ITSN1: variants seen among roughly 807,000 people sequenced by gnomAD.
The protein encoded by ITSN1 is intersectin 1, also known as intersectin-1.
ITSN1 carries 58 observed loss-of-function variants against 239.8 expected under a neutral mutation model. The observed-to-expected ratio is 0.24, with a 90% CI of 0.20 to 0.30. The LOEUF (loss-of-function observed/expected upper bound fraction) is 0.30, where lower values mean the gene tolerates loss of function less well. ITSN1 is among the 10% of genes least tolerant of loss of function. ITSN1 has a pLI of 1.00. For synonymous variants in ITSN1, 780 were observed against 770.8 expected (o/e 1.01, Z -0.20); for missense variants, 1,558 against 2,103.3 (o/e 0.74, Z 5.07).
chr21:33,761,929 A>G lies in ITSN1; in HGVS notation c.731A>G (p.Gln244Arg). 1 of 1,613,370 alleles carries G rather than the reference A, an allele frequency of 6.2e-7. No homozygotes were observed. The highest frequency in any genetic ancestry group is 8.5e-7 in the Non-Finnish European group (1 of 1,179,284). The change falls in exon 9 of 40, where the codon CAA becomes CGA. Residue 244 changes from glutamine (Q) to arginine (R), a missense_variant. Transcript: ENST00000381318. ...TTTCCTGGTTCCTGTTTAGGTCCCCAAGCAAGAACTATTCTTATGCAGTCA... is the reference window on the plus strand; with the variant it reads ...TTTCCTGGTTCCTGTTTAGGTCCCCGAGCAAGAACTATTCTTATGCAGTCA... ...KTMSGHLTGP[Q>R]ARTILMQSSL...
chr21:33,854,907 C>T (rs779128052), intron 29 of ITSN1, among the ~76,000 whole-genome samples: 8 of 152,164 alleles, frequency 5.3e-5, no homozygotes, highest in Non-Finnish European at 1.0e-4. Flanking sequence ...GCTTTCCCAG[C>T]ATTCTCCTGC....
chr21:33,875,968 C>G (rs1000869631), intron 34 of ITSN1, among the ~76,000 whole-genome samples: 1 of 152,216 alleles, frequency 6.6e-6, no homozygotes, highest in Non-Finnish European at 1.5e-5. Context: ...GCATGAGCCA[C>G]CGCGCCTGGC....
At chr21:33,834,874 C>T (rs999534478) in intron 28 of ITSN1, among the ~76,000 whole-genome samples, 4 of 151,974 alleles carry the variant, frequency 2.6e-5, no homozygotes, top group Non-Finnish European at 5.9e-5. Flanking sequence ...AAATAGCTCC[C>T]CTGTGACATT....
chr21:33,833,859 G>T (rs1035584494), intron 27 of ITSN1, among the ~76,000 whole-genome samples: 2 of 146,044 alleles, frequency 1.4e-5, no homozygotes, highest in Non-Finnish European at 3.0e-5. Context: ...GTGACAGAGC[G>T]AGACTCCGTC....
At chr21:33,644,866 G>A (rs1295526474) in intron 1 of ITSN1, among the ~76,000 whole-genome samples, 1 of 151,248 alleles carries the variant, frequency 6.6e-6, no homozygotes, top group African/African-American at 2.4e-5. Flanking sequence ...CTATGTCACA[G>A]GCTGGAGTGC....
In ITSN1 at chr21:33,735,029, G is replaced by C. The variant is rs1189763845; in HGVS notation, c.186-15G>C. On this transcript the variant is annotated splice_polypyrimidine_tract_variant and intron_variant, in intron 4 of 39. Transcript: ENST00000381318. Reference sequence around the variant, plus strand: ...ATGGTCACAGTTGTTCTCAGGCCATGCTGTTGGTTTGCAGGGCACTAGCTG... The same window carrying C: ...ATGGTCACAGTTGTTCTCAGGCCATCCTGTTGGTTTGCAGGGCACTAGCTG... 6.2e-7 allele frequency: 1 copy of C among 1,601,844 alleles called. No homozygotes were observed. The highest frequency in any genetic ancestry group is 8.5e-7 in the Non-Finnish European group (1 of 1,174,840).
At chr21:33,870,386 G>GA (rs1430712229) in intron 33 of ITSN1, among the ~76,000 whole-genome samples, 1 of 151,962 alleles carries the variant, frequency 6.6e-6, no homozygotes, top group African/African-American at 2.4e-5. Context: ...TTAAAAGGGG[G>GA]AAAAAAACTC....
intron 33 of ITSN1, among the ~76,000 whole-genome samples, chr21:33,873,517 A>C (rs919626144): frequency 6.6e-6 from 1 of 152,172 alleles, no homozygotes; most frequent in Admixed American, 6.5e-5. Flanking sequence ...AGTTCTCCAC[A>C]CACCATATAA....
Position 33,865,435 on chromosome 21 carries a change from C to A in ITSN1, c.4074+101C>A. On this transcript the variant is annotated intron_variant, in intron 32 of 39. Coordinates refer to ENST00000381318, the MANE Select transcript of ITSN1 (RefSeq NM_003024.3). The surrounding 1 kb of genome is among the most constrained non-coding windows in gnomAD (Gnocchi z 4.4). ...TCAAAAGTCTGCAAGAGTGTTCCCA[C>A]TAGAGGCCAACAGGGCCTAGGGTCT... 1.0e-6 allele frequency: 1 copy of A among 995,696 alleles called. No individual in the cohort carries two copies. The highest frequency in any genetic ancestry group is 1.4e-6 in the Non-Finnish European group (1 of 694,996). 61.7% of individuals were successfully genotyped at this position (995,696 alleles called of 1,614,324 possible).
rs10529613 is a variant in ITSN1 at position 33,703,083 on chromosome 21, C to CTGTGTGTG, written c.-32-15690_-32-15683dup. 5.0e-3 allele frequency among the ~76,000 whole-genome samples: 727 copies of CTGTGTGTG among 145,592 alleles called. 2 individuals carry two copies. The highest frequency in any genetic ancestry group is 0.014 in the African/African-American group (556 of 39,894). On this transcript the variant is annotated intron_variant, in intron 1 of 39. Coordinates refer to ENST00000381318, the MANE Select transcript of ITSN1 (RefSeq NM_003024.3). ...CCTGGGTGGCTGAGCGAGACTCTGT[C>CTGTGTGTG]TGTGTGTGTGTGTGTGTGTGTGTGT... is the stretch of plus-strand genomic sequence containing the variant.
intron 4 of ITSN1, among the ~76,000 whole-genome samples, chr21:33,729,279 C>T (rs939166009): frequency 4.0e-5 from 6 of 151,468 alleles, no homozygotes; most frequent in African/African-American, 9.7e-5. Flanking sequence ...AGTGAGACCC[C>T]GTCTCTACTT....
At chr21:33,669,118 T>C (rs559702347) in intron 1 of ITSN1, among the ~76,000 whole-genome samples, 5 of 152,256 alleles carry the variant, frequency 3.3e-5, no homozygotes, top group Non-Finnish European at 7.3e-5. Flanking sequence ...AGTCTTGCTC[T>C]GTTGCCCAGG....
chr21:33,750,486 A>G (rs1204527495), intron 6 of ITSN1, among the ~76,000 whole-genome samples, 164 bp downstream of exon 6: 3 of 152,186 alleles, frequency 2.0e-5, no homozygotes, highest in African/African-American at 7.2e-5. Flanking sequence ...TTTCCACTGT[A>G]TTAAATGGGA....
At chr21:33,695,674 A>G (rs2091762839) in intron 1 of ITSN1, among the ~76,000 whole-genome samples, 1 of 152,242 alleles carries the variant, frequency 6.6e-6, no homozygotes, top group Non-Finnish European at 1.5e-5. Context: ...TATGGGTAGA[A>G]GGTGAACCTT....
intron 23 of ITSN1, 98 bp from the exon 24 acceptor site, chr21:33,819,143 G>A (rs931094322): frequency 4.6e-6 from 4 of 875,130 alleles, no homozygotes; most frequent in African/African-American, 1.7e-5. Context: ...GTCGTTTAAA[G>A]TTTTAAAAGT....
At position 33,694,387 on chromosome 21, in the gene ITSN1, G is replaced by A. The variant is rs755443346; in HGVS notation, c.-32-24410G>A. On this transcript the variant is annotated intron_variant, in intron 1 of 39. Transcript: ENST00000381318. Reference sequence around the variant, plus strand: ...CTATTGAACAGTTAAGATTATTTAAGTTTTTAATTGTTAAAAATAAAGTCA... The same window carrying A: ...CTATTGAACAGTTAAGATTATTTAAATTTTTAATTGTTAAAAATAAAGTCA... Among the ~76,000 whole-genome samples the A allele has an allele frequency of 1.7e-3, 254 of 152,092 alleles. 2 individuals carry two copies. The highest frequency in any genetic ancestry group is 3.5e-3 in the Non-Finnish European group (236 of 68,018).
intron 11 of ITSN1, among the ~76,000 whole-genome samples, chr21:33,770,565 A>G (rs1483512713): frequency 6.6e-6 from 1 of 152,082 alleles, no homozygotes; most frequent in Non-Finnish European, 1.5e-5. Flanking sequence ...CTCCATATCC[A>G]TCACTCCCTC....
chr21:33,727,157 A>G (rs534415073), intron 4 of ITSN1, among the ~76,000 whole-genome samples: 2 of 152,296 alleles, frequency 1.3e-5, no homozygotes, highest in Admixed American at 1.3e-4. Flanking sequence ...AAGATGGTAC[A>G]TCTTCCTAGA....
chr21:33,724,781 G>A (rs766932062), intron 4 of ITSN1, among the ~76,000 whole-genome samples: 2 of 152,142 alleles, frequency 1.3e-5, no homozygotes, highest in Non-Finnish European at 2.9e-5. Flanking sequence ...GGTAAGTGTG[G>A]TGGAGAAAAA....
Sources: allele counts gnomAD v4.1 joint callset (sites outside exome capture counted in the v4.1 genomes callset), GRCh38; gene constraint gnomAD v4.1.1; non-coding constraint Gnocchi (gnomAD v3.1); transcripts MANE v1.5; gene names NCBI Gene and HGNC (gene_info 2026-07-23, HGNC 2026-07-21).